Variants in ANK2 observed in about 807,000 individuals in gnomAD.
ANK2 encodes ankyrin-2.
ANK2 carries 83 observed loss-of-function variants against 360.5 expected under a neutral mutation model. The observed-to-expected ratio is 0.23, with a 90% CI of 0.19 to 0.28. ANK2 has a LOEUF of 0.28. Ranked by LOEUF, ANK2 falls within the 10% of genes least tolerant of loss-of-function variation. The pLI is 1.00. For synonymous variants in ANK2, 1,740 were observed against 1,759.5 expected, an observed-to-expected ratio of 0.99 and a Z score of 0.28; for missense variants, 4,201 against 4,795.7, an observed-to-expected ratio of 0.88 and a Z score of 3.66.
chr4:112,706,525 C>A, the ANK2 span, among the ~76,000 whole-genome samples: 1 of 152,208 alleles, frequency 6.6e-6, no homozygotes, highest in East Asian at 1.9e-4. Flanking sequence ...CCCTCCCACC[C>A]CGCACAGAGG....
the ANK2 span, among the ~76,000 whole-genome samples, chr4:112,761,669 A>C: frequency 6.6e-6 from 1 of 152,170 alleles, no homozygotes. Context: ...TTCTCTTCGA[A>C]GTTAAGTGCA....
chr4:113,211,833 G>T (rs371779068), intron 4 of ANK2, among the ~76,000 whole-genome samples: 1 of 152,146 alleles, frequency 6.6e-6, no homozygotes, highest in Non-Finnish European at 1.5e-5. Flanking sequence ...CAATGCAAAA[G>T]TATATGGAGA....
At chr4:113,088,838 A>G (rs1296577772) in intron 1 of ANK2, among the ~76,000 whole-genome samples, 2 of 152,170 alleles carry the variant, frequency 1.3e-5, no homozygotes, top group Admixed American at 6.5e-5. Flanking sequence ...TTGGATCCAG[A>G]TCTTTCTGGC....
chr4:112,904,252 T>C lies in ANK2; in HGVS notation c.-39-203T>C, dbSNP rs11728353. On this transcript the variant is annotated intron_variant, in intron 1 of 30. Transcript: ENST00000503271. ...CTATTTTTCATCTTTTATCACATTC[T>C]GTTTTGGCTACTTTACTGAACTCTT... Among the ~76,000 whole-genome samples, 12,852 of 152,240 alleles carry C rather than the reference T, an allele frequency of 0.084. 1,222 individuals carry two copies. Among genetic ancestry groups the C allele is most frequent in the African/African-American group, 0.24 (9,792 of 41,518 alleles).
chr4:112,705,634 G>A, the ANK2 span, among the ~76,000 whole-genome samples: 1 of 152,226 alleles, frequency 6.6e-6, no homozygotes, highest in Admixed American at 6.5e-5. Context: ...CAGTGATGCG[G>A]GAGCGCCCGC....
intron 1 of ANK2, among the ~76,000 whole-genome samples, chr4:112,825,301 A>G (rs1045581700): frequency 9.9e-5 from 15 of 152,112 alleles, no homozygotes; most frequent in African/African-American, 3.6e-4. Context: ...ACAAACCTGC[A>G]TGTTGTGCAC....
intron 26 of ANK2, among the ~76,000 whole-genome samples, chr4:113,323,130 A>G (rs1299894036): frequency 1.3e-5 from 2 of 152,128 alleles, no homozygotes; most frequent in Non-Finnish European, 2.9e-5. Context: ...TAGAACTATA[A>G]TGTGGGATTA....
At chr4:113,150,050 A>C (rs1156995261) in intron 1 of ANK2, among the ~76,000 whole-genome samples, 1 of 152,030 alleles carries the variant, frequency 6.6e-6, no homozygotes, top group African/African-American at 2.4e-5. Flanking sequence ...GAGCCATTAT[A>C]GGATGCCCAA....
chr4:113,203,010 C>G (rs931608494), intron 4 of ANK2, among the ~76,000 whole-genome samples: 1 of 152,028 alleles, frequency 6.6e-6, no homozygotes, highest in Non-Finnish European at 1.5e-5. Flanking sequence ...TCTTTGGTAT[C>G]CTAGATTCAG....
At position 113,361,883 on chromosome 4, in the gene ANK2, A is replaced by G. The variant is rs56928134; in HGVS notation, c.10756+986A>G. 3.1e-3 allele frequency among the ~76,000 whole-genome samples: 466 copies of G among 152,238 alleles called. 7 individuals are homozygous for G. The East Asian group carries it at 0.053, about 17-fold the overall frequency. On this transcript the variant is annotated intron_variant, in intron 39 of 45. Coordinates refer to ENST00000357077, the MANE Select transcript of ANK2 (RefSeq NM_001148.6). ...TACCTACATAGTAAATGCAATATGT[A>G]TATATTTGGTAAAAATTCAAATCCT...
At chr4:112,976,566 G>C (rs1404395922) in intron 2 of ANK2, among the ~76,000 whole-genome samples, 1 of 152,010 alleles carries the variant, frequency 6.6e-6, no homozygotes, top group Non-Finnish European at 1.5e-5. Flanking sequence ...ATAATTGTAG[G>C]GCTGTTTCAT....
chr4:113,119,383 C>A (rs184387153), intron 1 of ANK2, among the ~76,000 whole-genome samples: 8 of 151,836 alleles, frequency 5.3e-5, no homozygotes, highest in African/African-American at 1.9e-4. Flanking sequence ...GTCCCTCCCC[C>A]AACCCCACCA....
At chr4:113,092,044 C>T (rs966608057) in intron 1 of ANK2, among the ~76,000 whole-genome samples, 51 of 152,234 alleles carry the variant, frequency 3.4e-4, no homozygotes, top group African/African-American at 1.1e-3. Flanking sequence ...TTGGTAGAAA[C>T]TGTGGATTTT....
At chr4:113,309,950 G>T (rs553316864) in intron 23 of ANK2, among the ~76,000 whole-genome samples, 77 of 152,262 alleles carry the variant, frequency 5.1e-4, no homozygotes, top group African/African-American at 1.7e-3. Flanking sequence ...GGAAGGCTGG[G>T]TTCCTGTGGT....
chr4:112,783,072 G>A, the ANK2 span, among the ~76,000 whole-genome samples: 2 of 152,020 alleles, frequency 1.3e-5, no homozygotes, highest in East Asian at 4.0e-4. Context: ...ACCATGCCTG[G>A]CTAATTTTTG....
At chr4:113,099,987 G>A (rs559602983) in intron 1 of ANK2, among the ~76,000 whole-genome samples, 1 of 152,174 alleles carries the variant, frequency 6.6e-6, no homozygotes, top group African/African-American at 2.4e-5. Context: ...AATGGATCAA[G>A]AGTTAAATGT....
chr4:113,335,760 T>C lies in ANK2; in HGVS notation c.3380-86T>C, dbSNP rs944942409. 4.3e-6 allele frequency: 6 copies of C among 1,379,496 alleles called. No individual in the cohort carries two copies. In the Admixed American group the frequency reaches 1.0e-4, roughly 24 times the overall value. The allele number at this position is 1,379,496 out of a possible 1,614,324, so 85.5% of individuals were successfully genotyped here. On this transcript the variant is annotated intron_variant, in intron 29 of 45. Transcript: ENST00000357077. Reference sequence around the variant, plus strand: ...GTGTTTTGCTGGCACTTCTGTTCATTATTAACCGAGCGAATGAGTTGGCTA... The same window carrying C: ...GTGTTTTGCTGGCACTTCTGTTCATCATTAACCGAGCGAATGAGTTGGCTA...
In ANK2 at chr4:113,196,406, C is replaced by T; in HGVS notation, c.225C>T (p.Gly75=). 1 of 1,613,836 alleles carries T rather than the reference C, an allele frequency of 6.2e-7. No homozygotes were observed. The highest frequency in any genetic ancestry group is 8.5e-7 in the Non-Finnish European group (1 of 1,179,964). The change falls in exon 3 of 46, where the codon GGC becomes GGT. Residue 75 remains glycine, a synonymous_variant. Coordinates refer to ENST00000357077, the MANE Select transcript of ANK2 (RefSeq NM_001148.6). ...CTCTCCATCTGGCTGCCAAGGAAGG[C>T]CACGTGGGGCTGGTGCAGGAGCTGC... is the stretch of plus-strand genomic sequence containing the variant. ...LNALHLAAKE[G]HVGLVQELLG...
At chr4:113,342,267 G>A (rs1339825491) in intron 33 of ANK2, among the ~76,000 whole-genome samples, 2 of 152,224 alleles carry the variant, frequency 1.3e-5, no homozygotes, top group African/African-American at 2.4e-5. Context: ...AAACAGTCTG[G>A]GAAGTATATC....
Sources: gnomAD v4.1 joint callset for allele counts (sites outside exome capture counted in the v4.1 genomes callset) on GRCh38, gnomAD v4.1.1 for gene constraint, MANE v1.5 for transcripts, NCBI Gene and HGNC (gene_info 2026-07-23, HGNC 2026-07-21) for gene names.